The following PLEKHA5 variants were observed in gnomAD, a reference collection of about 807,000 sequenced individuals.
PLEKHA5 encodes pleckstrin homology domain-containing family A member 5.
A neutral mutation model predicts 181.9 loss-of-function variants in PLEKHA5; 55 were observed. The observed-to-expected ratio is 0.30, with a 90% CI of 0.24 to 0.38. The LOEUF (loss-of-function observed/expected upper bound fraction) is 0.38. Ranked by LOEUF, PLEKHA5 falls within the 10% of genes least tolerant of loss-of-function variation. The pLI is 1.00. For missense variants in PLEKHA5, 1,432 were observed against 1,549.5 expected (o/e 0.92, Z 1.27); for synonymous variants, 535 against 529.4 (o/e 1.01, Z -0.15).
chr12:19,146,583 T>C (rs1304143094), intron 3 of PLEKHA5, among the ~76,000 whole-genome samples: 1 of 152,338 alleles, frequency 6.6e-6, no homozygotes, highest in Middle Eastern at 3.4e-3. Flanking sequence ...GTGTCTTACA[T>C]ATTAGTAAAG....
At position 19,130,185 on chromosome 12, in the gene PLEKHA5, G is replaced by GCAGGTAGA; in HGVS notation, c.169+55_169+56insCAGGTAGA. ...CCGCCTGGAGGAGGCGGCAGAGCCC[G>GCAGGTAGA]GGCCGCCCGGCTCCCCGCAACCTGC... is the stretch of plus-strand genomic sequence containing the variant. On this transcript the variant is annotated intron_variant, in intron 2 of 31. Coordinates refer to ENST00000429027, the MANE Select transcript of PLEKHA5 (RefSeq NM_001256470.2). This position sits in a 1 kb window ranked among gnomAD's most constrained non-coding sequence, Gnocchi z 4.5. 8.2e-7 allele frequency: 1 copy of GCAGGTAGA among 1,213,368 alleles called. No homozygotes were observed. Among genetic ancestry groups the GCAGGTAGA allele is most frequent in the African/African-American group, 1.6e-5 (1 of 62,810 alleles). 75.2% of individuals were successfully genotyped at this position (1,213,368 alleles called of 1,614,324 possible).
intron 3 of PLEKHA5, among the ~76,000 whole-genome samples, chr12:19,246,040 A>G (rs977731149): frequency 6.9e-6 from 1 of 145,302 alleles, no homozygotes; most frequent in Non-Finnish European, 1.5e-5. Context: ...GTGTAGTGGC[A>G]TGATCTTGGC....
intron 28 of PLEKHA5, 139 bp downstream of exon 28, chr12:19,359,685 CG>C: frequency 1.2e-6 from 1 of 842,984 alleles, no homozygotes; most frequent in Non-Finnish European, 1.8e-6. Flanking sequence ...GCTTTCTGGC[CG>C]GGCGCGGTGG....
chr12:19,372,534 A>G (rs995294819), intron 31 of PLEKHA5: 21 of 151,446 alleles, frequency 1.4e-4, no homozygotes, highest in African/African-American at 4.6e-4. Flanking sequence ...ACCTTATTGT[A>G]GGAACTATAA....
chr12:19,262,632 T>C (rs995790035), intron 7 of PLEKHA5, among the ~76,000 whole-genome samples: 5 of 152,184 alleles, frequency 3.3e-5, no homozygotes, highest in African/African-American at 9.6e-5. Context: ...CTCATCACTT[T>C]TACTATAATA....
intron 15 of PLEKHA5, among the ~76,000 whole-genome samples, chr12:19,292,940 A>G (rs1179035126): frequency 6.6e-6 from 1 of 151,990 alleles, no homozygotes. Context: ...CTCTATCTCA[A>G]AAAAAAAGAA....
rs377305451 is a variant in PLEKHA5 at position 19,283,529 on chromosome 12, G to A, written c.1563G>A (p.Gln521=). 2 of 1,614,066 alleles carry A rather than the reference G, an allele frequency of 1.2e-6. No homozygotes were observed. Among genetic ancestry groups the A allele is most frequent in the Non-Finnish European group, 1.7e-6 (2 of 1,180,026 alleles). The change falls in exon 12 of 32, where the codon CAG becomes CAA. Residue 521 remains glutamine (Q), a synonymous_variant. Coordinates refer to ENST00000429027, the MANE Select transcript of PLEKHA5 (RefSeq NM_001256470.2). Reference sequence around the variant, plus strand: ...AGCAGCGTCAGTTTTATAACAAACAGAGCACCCTCCCTCGACACAGTACTT... The same window carrying A: ...AGCAGCGTCAGTTTTATAACAAACAAAGCACCCTCCCTCGACACAGTACTT... ...EWQQRQFYNK[Q]STLPRHSTLS...
At chr12:19,162,202 G>A (rs1565884590) in intron 3 of PLEKHA5, among the ~76,000 whole-genome samples, 1 of 152,088 alleles carries the variant, frequency 6.6e-6, no homozygotes, top group Non-Finnish European at 1.5e-5. Context: ...CTAGGTTTAT[G>A]TATGTTAGGG....
intron 3 of PLEKHA5, among the ~76,000 whole-genome samples, chr12:19,244,294 A>T (rs1290504590): frequency 6.6e-6 from 1 of 151,362 alleles, no homozygotes; most frequent in African/African-American, 2.4e-5. Context: ...TTAAGAAGCT[A>T]GTAAATTATA....
intron 3 of PLEKHA5, among the ~76,000 whole-genome samples, chr12:19,224,259 G>A (rs983742517): frequency 3.3e-5 from 5 of 152,110 alleles, no homozygotes; most frequent in Admixed American, 6.5e-5. Flanking sequence ...GATGAGACTA[G>A]GTTGCTTTTT....
At chr12:19,154,526 TTGAG>T (rs1462559672) in intron 3 of PLEKHA5, 1 of 152,188 alleles carries the variant, frequency 6.6e-6, no homozygotes, top group Non-Finnish European at 1.5e-5. Flanking sequence ...GTACTACAAA[TTGAG>T]TGAGAAATTA....
chr12:19,223,000 CTTT>C (rs62719560), intron 3 of PLEKHA5, among the ~76,000 whole-genome samples: 7,316 of 128,860 alleles, frequency 0.057, 232 homozygotes, highest in Non-Finnish European at 0.079. Flanking sequence ...GAAATTTTGT[CTTT>C]TTTTTTTTTT....
At chr12:19,158,919 A>C (rs1007987077) in intron 3 of PLEKHA5, among the ~76,000 whole-genome samples, 4 of 152,196 alleles carry the variant, frequency 2.6e-5, no homozygotes, top group Non-Finnish European at 5.9e-5. Context: ...TTTAACTTGT[A>C]AGTGATCAGA....
chr12:19,165,126 A>C (rs1291558255), intron 3 of PLEKHA5, among the ~76,000 whole-genome samples: 1 of 152,150 alleles, frequency 6.6e-6, no homozygotes, highest in Non-Finnish European at 1.5e-5. Context: ...ATTATATAGA[A>C]GACCTTAAGA....
chr12:19,163,054 A>G (rs1291446786), intron 3 of PLEKHA5, among the ~76,000 whole-genome samples: 3 of 152,186 alleles, frequency 2.0e-5, no homozygotes. Flanking sequence ...ACTTAAAATA[A>G]TTTGACAAAG....
intron 25 of PLEKHA5, among the ~76,000 whole-genome samples, chr12:19,349,057 CT>C (rs916534151): frequency 7.1e-4 from 98 of 138,460 alleles, no homozygotes; most frequent in South Asian, 7.2e-4. Context: ...GGAGAGTTTT[CT>C]TTTTTTTTTT....
rs141066462 is a variant in PLEKHA5 at position 19,304,715 on chromosome 12, G to C, written c.2038-10099G>C. 1.4e-3 allele frequency among the ~76,000 whole-genome samples: 217 copies of C among 151,010 alleles called. 3 individuals carry two copies. In the East Asian group the frequency reaches 0.027, roughly 18 times the overall value. On this transcript the variant is annotated intron_variant, in intron 15 of 31. Transcript: ENST00000429027. ...AATTGCCAGGGCCCAGACCTGTAAA[G>C]GTTTTAAATCTCCACAGGTAGTTTT...
intron 14 of PLEKHA5, 21 bp downstream of exon 14, chr12:19,290,817 T>A: frequency 6.6e-7 from 1 of 1,514,294 alleles, no homozygotes; most frequent in Non-Finnish European, 8.8e-7. Flanking sequence ...GAGAGATTTG[T>A]CTGTGTCGTC....
intron 3 of PLEKHA5, among the ~76,000 whole-genome samples, chr12:19,135,282 A>G (rs1469256030): frequency 6.6e-6 from 1 of 152,148 alleles, no homozygotes; most frequent in Non-Finnish European, 1.5e-5. Context: ...GTAGGTGGTA[A>G]GAGGAGAGGA....
Sources: allele counts gnomAD v4.1 joint callset (sites outside exome capture counted in the v4.1 genomes callset), GRCh38; gene constraint gnomAD v4.1.1; non-coding constraint Gnocchi (gnomAD v3.1); transcripts MANE v1.5; gene names NCBI Gene and HGNC (gene_info 2026-07-23, HGNC 2026-07-21).